MARCHF1: variants seen among roughly 807,000 people sequenced by gnomAD.
MARCHF1 encodes the protein membrane associated ring-CH-type finger 1.
Under a neutral mutation model 54.2 loss-of-function variants are expected in MARCHF1, and 40 were observed. That is an observed-to-expected ratio of 0.74 (90% confidence interval 0.57 to 0.96). The LOEUF is 0.96. MARCHF1 is among the 40% of genes least tolerant of loss of function. The probability of loss-of-function intolerance (pLI) is 0.00; values close to 1 mark genes in which losing one functional copy is unlikely to be tolerated. For synonymous variants in MARCHF1, 236 were observed against 236.3 expected (o/e 1.00, Z 0.01); for missense variants, 586 against 656.5 (o/e 0.89, Z 1.17).
chr4:164,070,211 C>CATATA (rs1282157200), intron 2 of MARCHF1, among the ~76,000 whole-genome samples: 2 of 152,166 alleles, frequency 1.3e-5, no homozygotes, highest in Non-Finnish European at 2.9e-5. Context: ...TGAACCTAAA[C>CATATA]ATATACCCCC....
chr4:163,999,694 T>C (rs986759644), intron 2 of MARCHF1, among the ~76,000 whole-genome samples: 16 of 151,590 alleles, frequency 1.1e-4, no homozygotes, highest in Non-Finnish European at 1.9e-4. Flanking sequence ...GCAACATTAA[T>C]TGCTATTTAT....
At chr4:163,590,695 A>G (rs933054663) in intron 7 of MARCHF1, among the ~76,000 whole-genome samples, 2 of 152,080 alleles carry the variant, frequency 1.3e-5, no homozygotes, top group African/African-American at 4.8e-5. Context: ...GGCATCGTAC[A>G]GAGTTTAACA....
intron 4 of MARCHF1, among the ~76,000 whole-genome samples, chr4:163,795,761 C>A (rs1217574682): frequency 6.6e-6 from 1 of 152,162 alleles, no homozygotes; most frequent in Non-Finnish European, 1.5e-5. Flanking sequence ...ACAGTTGGGG[C>A]ACTGGCCCCC....
chr4:164,178,028 A>G (rs116642282), intron 1 of MARCHF1, among the ~76,000 whole-genome samples: 20 of 152,318 alleles, frequency 1.3e-4, no homozygotes, highest in South Asian at 8.3e-4. Context: ...TTATTGATCT[A>G]TAACAGAGTA....
At chr4:163,657,419 C>A (rs998589114) in intron 5 of MARCHF1, among the ~76,000 whole-genome samples, 1 of 151,956 alleles carries the variant, frequency 6.6e-6, no homozygotes, top group Non-Finnish European at 1.5e-5. Context: ...AGGACACAAA[C>A]AAATGGAAAA....
chr4:163,765,915 A>G (rs909615739), intron 4 of MARCHF1, among the ~76,000 whole-genome samples: 1 of 147,774 alleles, frequency 6.8e-6, no homozygotes, highest in African/African-American at 2.5e-5. Context: ...TATATAATAT[A>G]TAATTATATA....
In MARCHF1 at chr4:164,139,713, C is replaced by T. The variant is rs960793962; in HGVS notation, c.-322-28051G>A. ...AGAAAATGTCTTTAGTTTGAAAATT[C>T]GAAGATACTTTAAGCGGAATGGAAA... On this transcript the variant is annotated intron_variant, in intron 1 of 9. Transcript: ENST00000514618. Among the ~76,000 whole-genome samples the T allele has an allele frequency of 9.9e-5, 15 of 152,006 alleles. 1 individual carries two copies. The highest frequency in any genetic ancestry group is 3.4e-3 in the Middle Eastern group (1 of 294).
intron 3 of MARCHF1, among the ~76,000 whole-genome samples, chr4:163,878,680 C>CT (rs1216306302): frequency 6.6e-6 from 1 of 152,186 alleles, no homozygotes; most frequent in African/African-American, 2.4e-5. Context: ...TTGAAGGACT[C>CT]TTTCCCTAAG....
At chr4:164,203,931 C>T (rs993214921) in intron 1 of MARCHF1, among the ~76,000 whole-genome samples, 1 of 152,118 alleles carries the variant, frequency 6.6e-6, no homozygotes, top group Non-Finnish European at 1.5e-5. Context: ...AACAGATCTA[C>T]AGAAAAGTTA....
rs1035553499 is a variant in MARCHF1 at position 163,988,637 on chromosome 4, G to A, written c.-175C>T. ...GCAGGTGGCCAATCCCTGATTGGATGCCTTATCTCTTCACTCGCCCTGAGT... is the reference window on the plus strand; with the variant it reads ...GCAGGTGGCCAATCCCTGATTGGATACCTTATCTCTTCACTCGCCCTGAGT... On this transcript the variant is annotated 5_prime_UTR_variant, in exon 3 of 10. Transcript: ENST00000514618. 2 of 152,212 alleles carry A rather than the reference G, an allele frequency of 1.3e-5. No homozygotes were observed. The highest frequency in any genetic ancestry group is 6.5e-5 in the Admixed American group (1 of 15,284). 9.4% of individuals were successfully genotyped at this position (152,212 alleles called of 1,614,324 possible). A position where few individuals can be genotyped will look rare whatever the true frequency, so the allele number is the denominator to read the frequency against.
chr4:164,322,565 T>C (rs1396415623), intron 1 of MARCHF1, among the ~76,000 whole-genome samples: 2 of 151,982 alleles, frequency 1.3e-5, no homozygotes. Flanking sequence ...TTTAAATAAA[T>C]AATGTAACTG....
intron 3 of MARCHF1, among the ~76,000 whole-genome samples, chr4:163,927,167 T>A (rs1751556234): frequency 6.6e-6 from 1 of 151,750 alleles, no homozygotes; most frequent in South Asian, 2.1e-4. Context: ...ACTTTTGACA[T>A]GTAAGATGGA....
chr4:164,376,270 A>C (rs561373658), intron 1 of MARCHF1, among the ~76,000 whole-genome samples: 75 of 152,340 alleles, frequency 4.9e-4, no homozygotes, highest in African/African-American at 1.7e-3. Context: ...TCACTTGGTG[A>C]TCTGAAAGAT....
intron 4 of MARCHF1, among the ~76,000 whole-genome samples, chr4:163,722,805 T>C (rs1745519075): frequency 6.6e-6 from 1 of 152,194 alleles, no homozygotes; most frequent in Non-Finnish European, 1.5e-5. Context: ...TTTTGATCTT[T>C]GTTGGTTTAA....
intron 1 of MARCHF1, among the ~76,000 whole-genome samples, chr4:164,336,425 T>C (rs1729740606): frequency 1.3e-5 from 2 of 152,144 alleles, no homozygotes; most frequent in Admixed American, 6.5e-5. Flanking sequence ...AACTCAGAGG[T>C]CCCTAGCATC....
rs1741384355 is a variant in MARCHF1 at position 163,612,701 on chromosome 4, G to A, written c.580C>T (p.Pro194Ser). 6.5e-7 allele frequency: 1 copy of A among 1,535,538 alleles called. No individual in the cohort carries two copies. Among genetic ancestry groups the A allele is most frequent in the South Asian group, 1.2e-5 (1 of 84,064 alleles). ...GAAGACCCAGCTAAGTTTTCACACG[G>A]CTTATTATTATTTCTCCTCCTTCTT... ...SRRRRRNNNKPCENLAGSSTP... is the reference protein window; with the variant it reads ...SRRRRRNNNKSCENLAGSSTP... Residue 194 changes from proline to serine, a missense_variant, in exon 7 of 10, where the codon CCG becomes TCG. By Grantham distance (74) the Pro-to-Ser change is moderately conservative. This residue lies in a region of MARCHF1 where 387 missense variants were observed against 394.6 expected (regional missense o/e 0.98). Coordinates refer to ENST00000514618, the MANE Select transcript of MARCHF1 (RefSeq NM_001394959.1).
chr4:163,957,926 T>C (rs1579421445), intron 3 of MARCHF1, among the ~76,000 whole-genome samples: 1 of 152,044 alleles, frequency 6.6e-6, no homozygotes, highest in East Asian at 1.9e-4. Context: ...TTATTTGCCA[T>C]GCTGCATTCA....
At chr4:164,075,157 T>C (rs1460064481) in intron 2 of MARCHF1, among the ~76,000 whole-genome samples, 1 of 152,206 alleles carries the variant, frequency 6.6e-6, no homozygotes, top group East Asian at 1.9e-4. Context: ...ACAGCAAAAG[T>C]GTCAAGAAAC....
chr4:164,268,990 C>T (rs560004934), intron 1 of MARCHF1, among the ~76,000 whole-genome samples: 2 of 152,142 alleles, frequency 1.3e-5, no homozygotes, highest in East Asian at 1.9e-4. Context: ...CTTTTATACT[C>T]ACTACAATTT....
Sources: gnomAD v4.1 joint callset for allele counts (sites outside exome capture counted in the v4.1 genomes callset) on GRCh38, gnomAD v4.1.1 for gene constraint, gnomAD v4.1.1 regional missense constraint, MANE v1.5 for transcripts, NCBI Gene and HGNC (gene_info 2026-07-23, HGNC 2026-07-21) for gene names.